RABGAP1: variants seen among roughly 807,000 people sequenced by gnomAD.
RABGAP1 encodes the protein RAB GTPase activating protein 1.
A neutral mutation model predicts 137.6 loss-of-function variants in RABGAP1; 23 were observed. The ratio of observed to expected loss-of-function variants is 0.17; its 90% CI spans 0.12 to 0.24. The LOEUF is 0.24. Ranked by LOEUF, RABGAP1 falls within the 10% of genes least tolerant of loss-of-function variation. RABGAP1 has a pLI of 1.00. For missense variants in RABGAP1, 906 were observed against 1,275.8 expected (o/e 0.71, Z 4.42); for synonymous variants, 451 against 450.7 (o/e 1.00, Z -0.01).
chr9:123,074,028 T>A (rs1176740476), intron 16 of RABGAP1, among the ~76,000 whole-genome samples: 1 of 152,234 alleles, frequency 6.6e-6, no homozygotes, highest in African/African-American at 2.4e-5. Context: ...TTTTTTACTT[T>A]GGAGAGAAAA....
chr9:122,954,828 A>C (rs746362082), intron 1 of RABGAP1, among the ~76,000 whole-genome samples: 1 of 152,192 alleles, frequency 6.6e-6, no homozygotes, highest in Non-Finnish European at 1.5e-5. Flanking sequence ...ACTGGGTTTA[A>C]TTTTTGACTT....
intron 13 of RABGAP1, among the ~76,000 whole-genome samples, chr9:123,050,212 A>C (rs2033394056): frequency 1.3e-5 from 2 of 152,214 alleles, no homozygotes; most frequent in South Asian, 4.1e-4. Context: ...TTGGAGTAGA[A>C]ATTTTAAAGC....
At chr9:123,051,055 A>G (rs1300437714) in intron 13 of RABGAP1, among the ~76,000 whole-genome samples, 1 of 151,588 alleles carries the variant, frequency 6.6e-6, no homozygotes, top group African/African-American at 2.4e-5. Context: ...AAATATATCT[A>G]TCTGGTGGTC....
chr9:122,942,348 T>G (rs529334202), intron 1 of RABGAP1, among the ~76,000 whole-genome samples: 60 of 152,266 alleles, frequency 3.9e-4, no homozygotes, highest in African/African-American at 1.4e-3. Context: ...CTATTTAATA[T>G]GTATTGAAGA....
chr9:122,972,055 G>C (rs529811960), intron 2 of RABGAP1: 1 of 152,194 alleles, frequency 6.6e-6, no homozygotes, highest in African/African-American at 2.4e-5. Flanking sequence ...CTTGGTGCCT[G>C]TATTTAAGAT....
At chr9:123,016,714 G>A (rs1164212448) in intron 12 of RABGAP1, among the ~76,000 whole-genome samples, 1 of 152,090 alleles carries the variant, frequency 6.6e-6, no homozygotes, top group Admixed American at 6.5e-5. Context: ...CTGGTTACTA[G>A]GGTTGTCAAA....
intron 13 of RABGAP1, among the ~76,000 whole-genome samples, chr9:123,032,581 T>G (rs1205595397): frequency 1.3e-5 from 2 of 152,330 alleles, no homozygotes; most frequent in Non-Finnish European, 2.9e-5. Flanking sequence ...AGCATGTGTA[T>G]AAAATGAATA....
intron 2 of RABGAP1, among the ~76,000 whole-genome samples, chr9:122,965,448 A>T (rs1307435885): frequency 6.6e-6 from 1 of 152,132 alleles, no homozygotes; most frequent in Non-Finnish European, 1.5e-5. Flanking sequence ...CAGTGGCGTG[A>T]TCTCAACCCA....
intron 2 of RABGAP1, among the ~76,000 whole-genome samples, chr9:122,977,996 T>C (rs1247181990): frequency 6.6e-6 from 1 of 152,234 alleles, no homozygotes; most frequent in East Asian, 1.9e-4. Flanking sequence ...GAAATCATAC[T>C]TTTTCTGTTT....
At chr9:122,959,659 C>A (rs938599787) in intron 2 of RABGAP1, among the ~76,000 whole-genome samples, 1 of 152,218 alleles carries the variant, frequency 6.6e-6, no homozygotes, top group Non-Finnish European at 1.5e-5. Flanking sequence ...TACCCTATCC[C>A]AGCTGAGAGA....
chr9:123,075,953 C>T (rs961245525), intron 17 of RABGAP1, among the ~76,000 whole-genome samples: 3 of 152,128 alleles, frequency 2.0e-5, no homozygotes, highest in Admixed American at 1.3e-4. Flanking sequence ...GAGATCACAA[C>T]TTTATGACTG....
At chr9:123,003,514 AT>A (rs2131844735) in intron 10 of RABGAP1, among the ~76,000 whole-genome samples, 1 of 152,326 alleles carries the variant, frequency 6.6e-6, no homozygotes, top group Admixed American at 6.5e-5. Flanking sequence ...TACAAAGCAA[AT>A]TTAAGAATAT....
At position 122,988,368 on chromosome 9, in the gene RABGAP1, T is replaced by C. The variant is rs111541551; in HGVS notation, c.591-929T>C. Among the ~76,000 whole-genome samples the C allele has an allele frequency of 2.1e-3, 321 of 152,320 alleles. 2 individuals carry two copies. Among genetic ancestry groups the C allele is most frequent in the Non-Finnish European group, 4.3e-3 (290 of 68,030 alleles). The stretch of plus-strand genomic sequence containing the variant: ...TTTCTTTTTAGACCTTCCATAGTTG[T>C]GCCTTACTGCCCTGATCAGAGTCTG... On this transcript the variant is annotated intron_variant, in intron 4 of 25. Coordinates refer to ENST00000373647, the MANE Select transcript of RABGAP1 (RefSeq NM_012197.4).
At chr9:123,029,437 T>C in intron 13 of RABGAP1, 1 of 1,554,480 alleles carries the variant, frequency 6.4e-7, no homozygotes, top group Admixed American at 1.7e-5. Context: ...TGTAAATTAC[T>C]TGAGCTCTGT....
At chr9:122,979,709 T>C (rs775421662) in intron 2 of RABGAP1, among the ~76,000 whole-genome samples, 6 of 152,220 alleles carry the variant, frequency 3.9e-5, no homozygotes, top group Non-Finnish European at 8.8e-5. Context: ...TCATTTGTTT[T>C]ATTTGTCACT....
intron 5 of RABGAP1, chr9:122,989,855 A>T: frequency 1.8e-6 from 1 of 564,362 alleles, no homozygotes; most frequent in Non-Finnish European, 3.0e-6. Context: ...TAGTGCTTAC[A>T]ACCATTTCTT....
At chr9:122,976,494 T>C (rs1040473506) in intron 2 of RABGAP1, among the ~76,000 whole-genome samples, 5 of 152,220 alleles carry the variant, frequency 3.3e-5, no homozygotes, top group African/African-American at 1.2e-4. Flanking sequence ...ATGGTATTTG[T>C]TTTTGTTTTT....
Position 122,990,807 on chromosome 9 carries a change from A to G in RABGAP1, c.923+594A>G, listed in dbSNP as rs1329920485. The G allele has an allele frequency of 4.5e-5, 4 of 89,828 alleles. 1 individual carries two copies. The highest frequency in any genetic ancestry group is 4.3e-4 in the Admixed American group (3 of 7,048). 5.6% of individuals were successfully genotyped at this position (89,828 alleles called of 1,614,324 possible). ...AAAAAAAAAAAAAAAATATATATAT[A>G]TATATATATATATATATATATATAT... On this transcript the variant is annotated intron_variant, in intron 6 of 25. Coordinates refer to ENST00000373647, the MANE Select transcript of RABGAP1 (RefSeq NM_012197.4).
chr9:123,087,155 C>T (rs745722253), intron 19 of RABGAP1, among the ~76,000 whole-genome samples: 9 of 152,116 alleles, frequency 5.9e-5, no homozygotes, highest in Non-Finnish European at 1.0e-4. Context: ...AGAATCAACC[C>T]TATTACTATG....
Sources: gnomAD v4.1 joint callset for allele counts (sites outside exome capture counted in the v4.1 genomes callset) on GRCh38, gnomAD v4.1.1 for gene constraint, MANE v1.5 for transcripts, NCBI Gene and HGNC (gene_info 2026-07-23, HGNC 2026-07-21) for gene names.